The following ERVH48-1 variants were observed in gnomAD, a reference collection of about 807,000 sequenced individuals.
ERVH48-1 encodes suppressyn.
Under a neutral mutation model 2.4 loss-of-function variants are expected in ERVH48-1, and 4 were observed. The observed-to-expected ratio is 1.68, with a 90% CI of 0.83 to 3.84. ERVH48-1 has a LOEUF of 3.84. ERVH48-1 is among the 30% of genes most tolerant of loss of function. The pLI, the probability that ERVH48-1 is intolerant of heterozygous loss-of-function variation, is 0.01. For synonymous variants in ERVH48-1, 32 were observed against 15.5 expected, an observed-to-expected ratio of 2.06 and a Z score of -2.49; for missense variants, 97 against 43.4, an observed-to-expected ratio of 2.23 and a Z score of -3.47.
chr21:42,922,162 G>A (rs1005572749), intron 1 of ERVH48-1, among the ~76,000 whole-genome samples: 1 of 152,120 alleles, frequency 6.6e-6, no homozygotes, highest in African/African-American at 2.4e-5. Context: ...TCTGTGATAG[G>A]AACTGGGTGG....
At chr21:42,920,806 T>C (rs2058803470) in intron 1 of ERVH48-1, among the ~76,000 whole-genome samples, 1 of 152,110 alleles carries the variant, frequency 6.6e-6, no homozygotes, top group African/African-American at 2.4e-5. Context: ...CACACAGAAG[T>C]GTGCAGGGTC....
intron 1 of ERVH48-1, among the ~76,000 whole-genome samples, chr21:42,920,160 A>G (rs1035849237): frequency 1.3e-5 from 2 of 151,904 alleles, no homozygotes; most frequent in Non-Finnish European, 2.9e-5. Flanking sequence ...GCTTTGGAGG[A>G]CAGGGATTGT....
intron 1 of ERVH48-1, among the ~76,000 whole-genome samples, chr21:42,923,247 G>A (rs553767824): frequency 5.6e-4 from 86 of 152,266 alleles, no homozygotes; most frequent in Non-Finnish European, 9.4e-4. Flanking sequence ...GGAGGCTCCC[G>A]TGTGGAGCTG....
chr21:42,918,141 G>A lies in ERVH48-1; in HGVS notation c.*383C>T, dbSNP rs1201614429. 2.2e-5 allele frequency: 5 copies of A among 229,542 alleles called. No individual in the cohort carries two copies. The Admixed American group carries it at 2.6e-4, about 12-fold the overall frequency. 14.2% of individuals were successfully genotyped at this position (229,542 alleles called of 1,614,324 possible). On this transcript the variant is annotated 3_prime_UTR_variant, in exon 2 of 2. Transcript: ENST00000447535. Reference sequence around the variant, plus strand: ...CCTTTTTTGACAAGACACAATTGAGGTAGCTTAAGTTAGAAGGAGACCAGG... The same window carrying A: ...CCTTTTTTGACAAGACACAATTGAGATAGCTTAAGTTAGAAGGAGACCAGG...
chr21:42,924,427 G>A (rs1289831839), intron 1 of ERVH48-1, among the ~76,000 whole-genome samples: 1 of 152,132 alleles, frequency 6.6e-6, no homozygotes, highest in Non-Finnish European at 1.5e-5. Flanking sequence ...GGGTCGGGAG[G>A]AGAACGGCGA....
chr21:42,918,154 G>A lies in ERVH48-1; in HGVS notation c.*370C>T. On this transcript the variant is annotated 3_prime_UTR_variant, in exon 2 of 2. Coordinates refer to ENST00000447535, the MANE Select transcript of ERVH48-1 (RefSeq NM_001308491.2). ...GACACAATTGAGGTAGCTTAAGTTAGAAGGAGACCAGGCTCCAGGGGGTAA... is the reference window on the plus strand; with the variant it reads ...GACACAATTGAGGTAGCTTAAGTTAAAAGGAGACCAGGCTCCAGGGGGTAA... The A allele has an allele frequency of 8.4e-6, 2 of 236,978 alleles. No homozygotes were observed. Among genetic ancestry groups the A allele is most frequent in the South Asian group, 1.2e-4 (2 of 16,846 alleles). 14.7% of individuals were successfully genotyped at this position (236,978 alleles called of 1,614,324 possible).
Position 42,917,086 on chromosome 21 carries a change from G to T in ERVH48-1, c.*1438C>A, listed in dbSNP as rs1029682174. ...GGAGGAGGAGTTATTCATCCCGCAA[G>T]CTTTCAGGCCCCGAGGAGAATCTTC... On this transcript the variant is annotated 3_prime_UTR_variant, in exon 2 of 2. Transcript: ENST00000447535. 1.3e-5 allele frequency: 2 copies of T among 152,124 alleles called. No individual in the cohort carries two copies. The highest frequency in any genetic ancestry group is 2.9e-5 in the Non-Finnish European group (2 of 68,052). The allele number at this position is 152,124 out of a possible 1,614,324, so 9.4% of individuals were successfully genotyped here. A position where few individuals can be genotyped will look rare whatever the true frequency, so the allele number is the denominator to read the frequency against.
At chr21:42,925,254 C>G (rs1014595588) in intron 1 of ERVH48-1, 92 bp downstream of exon 1, 5 of 295,990 alleles carry the variant, frequency 1.7e-5, no homozygotes, top group Non-Finnish European at 2.5e-5. Context: ...CATGCCATAG[C>G]CTTCTTGGAC....
At position 42,919,008 on chromosome 21, in the gene ERVH48-1, C is replaced by T. The variant is rs1284708915; in HGVS notation, c.-2G>A. The stretch of plus-strand genomic sequence containing the variant: ...AGTGGTTGGGTAGATACAGGCCATT[C>T]CTGGAAGCACGTGGTTAGTCTTCCT... On this transcript the variant is annotated 5_prime_UTR_variant, in exon 2 of 2. Coordinates refer to ENST00000447535, the MANE Select transcript of ERVH48-1 (RefSeq NM_001308491.2). The T allele has an allele frequency of 1.6e-6, 2 of 1,223,520 alleles. No homozygotes were observed. Among genetic ancestry groups the T allele is most frequent in the Non-Finnish European group, 2.1e-6 (2 of 935,458 alleles). The allele number at this position is 1,223,520 out of a possible 1,614,324, so 75.8% of individuals were successfully genotyped here.
At chr21:42,919,698 A>C (rs530816491) in intron 1 of ERVH48-1, among the ~76,000 whole-genome samples, 3 of 152,264 alleles carry the variant, frequency 2.0e-5, no homozygotes, top group Admixed American at 2.0e-4. Flanking sequence ...GATTTGGCTG[A>C]TAAAGGCAGG....
Position 42,919,305 on chromosome 21 carries a change from ATG to A in ERVH48-1, c.-285-16_-285-15del. The A allele has an allele frequency of 8.2e-6, 2 of 243,904 alleles. No individual in the cohort carries two copies. Among genetic ancestry groups the A allele is most frequent in the South Asian group, 5.5e-5 (1 of 18,282 alleles). 15.1% of individuals were successfully genotyped at this position (243,904 alleles called of 1,614,324 possible). A position where few individuals can be genotyped will look rare whatever the true frequency, so the allele number is the denominator to read the frequency against. ...ACACGTCTGTGCCTGCAAGACAGTTATGATGTTGAGAGGATAAGGAGGTGTCG... is the reference window on the plus strand; with the variant it reads ...ACACGTCTGTGCCTGCAAGACAGTTAATGTTGAGAGGATAAGGAGGTGTCG... On this transcript the variant is annotated splice_polypyrimidine_tract_variant and intron_variant, in intron 1 of 1. Coordinates refer to ENST00000447535, the MANE Select transcript of ERVH48-1 (RefSeq NM_001308491.2).
At chr21:42,923,469 A>T (rs1348740314) in intron 1 of ERVH48-1, among the ~76,000 whole-genome samples, 2 of 152,138 alleles carry the variant, frequency 1.3e-5, no homozygotes, top group Non-Finnish European at 2.9e-5. Context: ...AAGGCTTAAG[A>T]TAGTGGTTCC....
intron 1 of ERVH48-1, among the ~76,000 whole-genome samples, chr21:42,919,548 G>A (rs2058799414): frequency 6.6e-6 from 1 of 152,148 alleles, no homozygotes; most frequent in African/African-American, 2.4e-5. Context: ...TCTCGTACAC[G>A]ACTGGCAGAT....
At position 42,918,881 on chromosome 21, in the gene ERVH48-1, C is replaced by T. The variant is rs774481547; in HGVS notation, c.126G>A (p.Pro42=). ...AAGACTGATAACACTCACGGCAGCTCGGAGGGGCTGCTGTGGACAGCAGGA... is the reference window on the plus strand; with the variant it reads ...AAGACTGATAACACTCACGGCAGCTTGGAGGGGCTGCTGTGGACAGCAGGA... ...VAVLLSTAAP[P]SCRECYQSLH... Residue 42 remains proline (P), a synonymous_variant, in exon 2 of 2, where the codon CCG becomes CCA. Coordinates refer to ENST00000447535, the MANE Select transcript of ERVH48-1 (RefSeq NM_001308491.2). 1.5e-4 allele frequency: 69 copies of T among 465,292 alleles called. No individual in the cohort carries two copies. The highest frequency in any genetic ancestry group is 9.4e-5 in the Admixed American group (4 of 42,590). The allele number at this position is 465,292 out of a possible 1,614,324, so 28.8% of individuals were successfully genotyped here. A position where few individuals can be genotyped will look rare whatever the true frequency, so the allele number is the denominator to read the frequency against.
At position 42,918,904 on chromosome 21, in the gene ERVH48-1, G is replaced by T; in HGVS notation, c.103C>A (p.Leu35Met). Residue 35 changes from leucine (L) to methionine (M), a missense_variant, in exon 2 of 2, where the codon CTG becomes ATG. By Grantham distance (15) the Leu-to-Met change is conservative. Coordinates refer to ENST00000447535, the MANE Select transcript of ERVH48-1 (RefSeq NM_001308491.2). ...TTILILSVAVLLSTAAPPSCR... is the reference protein window; with the variant it reads ...TTILILSVAVMLSTAAPPSCR... Reference sequence around the variant, plus strand: ...CTCGGAGGGGCTGCTGTGGACAGCAGGACAGCTACTGACAGTATTAGGATC... The same window carrying T: ...CTCGGAGGGGCTGCTGTGGACAGCATGACAGCTACTGACAGTATTAGGATC... The T allele has an allele frequency of 2.0e-6, 1 of 503,234 alleles. No homozygotes were observed. The highest frequency in any genetic ancestry group is 3.7e-6 in the Non-Finnish European group (1 of 269,604). 31.2% of individuals were successfully genotyped at this position (503,234 alleles called of 1,614,324 possible). A position where few individuals can be genotyped will look rare whatever the true frequency, so the allele number is the denominator to read the frequency against.
intron 1 of ERVH48-1, among the ~76,000 whole-genome samples, chr21:42,922,873 G>A (rs898310554): frequency 6.6e-6 from 1 of 152,032 alleles, no homozygotes; most frequent in Non-Finnish European, 1.5e-5. Flanking sequence ...GGGAGGACTC[G>A]GTGAGTCCTG....
intron 1 of ERVH48-1, among the ~76,000 whole-genome samples, chr21:42,922,630 C>T (rs2058809279): frequency 6.6e-6 from 1 of 150,468 alleles, no homozygotes; most frequent in Non-Finnish European, 1.5e-5. Context: ...GTCCCAGCTA[C>T]TCGGGAGGCT....
At chr21:42,924,157 G>C in intron 1 of ERVH48-1, among the ~76,000 whole-genome samples, 1 of 152,176 alleles carries the variant, frequency 6.6e-6, no homozygotes, top group African/African-American at 2.4e-5. Context: ...GGCAGCAGAG[G>C]ATAGATAGGA....
chr21:42,917,540 A>G lies in ERVH48-1; in HGVS notation c.*984T>C, dbSNP rs1038616351. 2.6e-5 allele frequency: 4 copies of G among 152,182 alleles called. No individual in the cohort carries two copies. Among genetic ancestry groups the G allele is most frequent in the African/African-American group, 7.2e-5 (3 of 41,450 alleles). The allele number at this position is 152,182 out of a possible 1,614,324, so 9.4% of individuals were successfully genotyped here. A position where few individuals can be genotyped will look rare whatever the true frequency, so the allele number is the denominator to read the frequency against. ...CATTATTGCCTATGTTAAGACAGCA[A>G]TTGGAGATGTTAAACTTACCACAGC... On this transcript the variant is annotated 3_prime_UTR_variant, in exon 2 of 2. Transcript: ENST00000447535.
Sources: gnomAD v4.1 joint callset for allele counts (sites outside exome capture counted in the v4.1 genomes callset) on GRCh38, gnomAD v4.1.1 for gene constraint, MANE v1.5 for transcripts, NCBI Gene and HGNC (gene_info 2026-07-23, HGNC 2026-07-21) for gene names.